The following KCNG2 variants were observed in gnomAD, a reference collection of about 807,000 sequenced individuals.
KCNG2 encodes potassium voltage-gated channel modifier subfamily G member 2.
Under a neutral mutation model 12.3 loss-of-function variants are expected in KCNG2, and 7 were observed. The observed-to-expected ratio is 0.57, with a 90% confidence interval of 0.32 to 1.07. KCNG2 has a LOEUF of 1.07. KCNG2 is among the 50% of genes least tolerant of loss of function. KCNG2 has a pLI of 0.04. For synonymous variants in KCNG2, 414 were observed against 351.4 expected, an observed-to-expected ratio of 1.18 and a Z score of -1.99; for missense variants, 703 against 726.0, an observed-to-expected ratio of 0.97 and a Z score of 0.36.
chr18:79,811,108 A>AT (rs1357152681), intron 1 of KCNG2, among the ~76,000 whole-genome samples: 1 of 152,242 alleles, frequency 6.6e-6, no homozygotes, highest in African/African-American at 2.4e-5. Flanking sequence ...AAGACATCCC[A>AT]TGTTCACGGA....
chr18:79,840,344 A>G (rs1004498894), intron 1 of KCNG2, among the ~76,000 whole-genome samples: 1 of 152,226 alleles, frequency 6.6e-6, no homozygotes, highest in African/African-American at 2.4e-5. Flanking sequence ...AAAATTAAAC[A>G]TAGAATATAA....
Position 79,884,040 on chromosome 18 carries a change from C to T in KCNG2, c.625-15000C>T, listed in dbSNP as rs1187566391. Reference sequence around the variant, plus strand: ...CCACGTCCTGACGTTTCTATCCCAACCCCCGCCCTGCCATCTTTTCTTCTC... The same window carrying T: ...CCACGTCCTGACGTTTCTATCCCAATCCCCGCCCTGCCATCTTTTCTTCTC... On this transcript the variant is annotated intron_variant, in intron 3 of 3. Transcript: ENST00000316249. The surrounding 1 kb of genome is among the most constrained non-coding windows in gnomAD (Gnocchi z 5.5). Among the ~76,000 whole-genome samples, 1 of 147,932 alleles carries T rather than the reference C, an allele frequency of 6.8e-6. No individual in the cohort carries two copies. The highest frequency in any genetic ancestry group is 7.0e-5 in the Admixed American group (1 of 14,238).
At chr18:79,828,571 CTG>C (rs890281948) in intron 1 of KCNG2, among the ~76,000 whole-genome samples, 8 of 150,626 alleles carry the variant, frequency 5.3e-5, no homozygotes, top group South Asian at 2.1e-4. Context: ...GTGTGCATGT[CTG>C]TGTGCATGTG....
chr18:79,880,831 A>C (rs1482509067), intron 3 of KCNG2, among the ~76,000 whole-genome samples: 1 of 152,218 alleles, frequency 6.6e-6, no homozygotes, highest in Non-Finnish European at 1.5e-5. Context: ...ATATTAATGC[A>C]CCAAAGAAAA....
At chr18:79,832,152 C>G (rs1275565856) in intron 1 of KCNG2, among the ~76,000 whole-genome samples, 1 of 152,140 alleles carries the variant, frequency 6.6e-6, no homozygotes, top group Admixed American at 6.5e-5. Context: ...CCGTCCTCAC[C>G]CATGAGACCT....
chr18:79,879,562 A>G (rs1980212743), intron 3 of KCNG2, among the ~76,000 whole-genome samples: 1 of 152,232 alleles, frequency 6.6e-6, no homozygotes, highest in Non-Finnish European at 1.5e-5. Context: ...TCAAAAAAGA[A>G]GTAGTACACA....
intron 3 of KCNG2, among the ~76,000 whole-genome samples, chr18:79,873,044 G>C (rs1392028008): frequency 6.6e-6 from 1 of 152,172 alleles, no homozygotes; most frequent in Non-Finnish European, 1.5e-5. Context: ...AAAAGGACCT[G>C]CTAGGAAGAA....
rs753788445 is a variant in KCNG2 at position 79,899,689 on chromosome 18, C to T, written c.1274C>T (p.Pro425Leu). The T allele has an allele frequency of 2.1e-5, 33 of 1,607,692 alleles. No individual in the cohort carries two copies. Among genetic ancestry groups the T allele is most frequent in the Non-Finnish European group, 2.7e-5 (32 of 1,178,150 alleles). The change falls in exon 4 of 4, where the codon CCC becomes CTC. Residue 425 changes from proline (P) to leucine (L), a missense_variant. Physicochemically the swap from Pro to Leu is moderately conservative, Grantham distance 98 (BLOSUM62 -3). Transcript: ENST00000316249. The stretch of plus-strand genomic sequence containing the variant: ...GAGCAGCAGCAGCGCGCGGCCAGCC[C>T]CGAGCCGGCCCTGCAGGAGGACAGC... ...LKEQQQRAAS[P>L]EPALQEDSTH...
intron 3 of KCNG2, among the ~76,000 whole-genome samples, chr18:79,891,761 T>G (rs1200702833): frequency 6.6e-6 from 1 of 152,184 alleles, no homozygotes; most frequent in African/African-American, 2.4e-5. Flanking sequence ...CTTTTAAATG[T>G]ATTGAGGTTG....
At chr18:79,867,419 T>C (rs1979636848) in intron 3 of KCNG2, among the ~76,000 whole-genome samples, 1 of 138,720 alleles carries the variant, frequency 7.2e-6, no homozygotes, top group Admixed American at 7.6e-5. Flanking sequence ...GTGTCATGTC[T>C]GGGGAAGGAG....
intron 3 of KCNG2, among the ~76,000 whole-genome samples, chr18:79,892,115 A>AG (rs1302048949): frequency 1.4e-5 from 2 of 142,680 alleles, no homozygotes; most frequent in Admixed American, 1.4e-4. Flanking sequence ...ACTCCGTCTA[A>AG]AAAAAAAAAA....
At chr18:79,857,064 G>GC (rs147399550) in intron 2 of KCNG2, among the ~76,000 whole-genome samples, 3 of 55,262 alleles carry the variant, frequency 5.4e-5, no homozygotes, top group Admixed American at 1.8e-4. Context: ...CCCCACAGCC[G>GC]CCCCCACAGC....
intron 1 of KCNG2, among the ~76,000 whole-genome samples, chr18:79,799,817 G>C (rs577006296): frequency 2.6e-5 from 4 of 152,302 alleles, no homozygotes; most frequent in African/African-American, 9.6e-5. Flanking sequence ...GTGGGGGGCG[G>C]GTGGCCGAGC....
Position 79,822,669 on chromosome 18 carries a change from G to A in KCNG2, c.-115+24655G>A, listed in dbSNP as rs2087580571. 6.6e-6 allele frequency among the ~76,000 whole-genome samples: 1 copy of A among 152,136 alleles called. No homozygotes were observed. Among genetic ancestry groups the A allele is most frequent in the South Asian group, 2.1e-4 (1 of 4,816 alleles). On this transcript the variant is annotated intron_variant, in intron 1 of 3. Coordinates refer to ENST00000316249, the MANE Select transcript of KCNG2 (RefSeq NM_012283.2). The surrounding 1 kb of genome is among the most constrained non-coding windows in gnomAD (Gnocchi z 4.4). Reference sequence around the variant, plus strand: ...AGGTCTTGAACTCCTGACCTCAAGGGATCCACCCACCCCGGCCTCCAAAGT... The same window carrying A: ...AGGTCTTGAACTCCTGACCTCAAGGAATCCACCCACCCCGGCCTCCAAAGT...
intron 1 of KCNG2, among the ~76,000 whole-genome samples, chr18:79,855,168 G>C (rs1237127460): frequency 1.3e-5 from 2 of 152,086 alleles, no homozygotes; most frequent in South Asian, 2.1e-4. Context: ...GCTCACGGTG[G>C]ACTGTTGCTG....
chr18:79,837,156 G>A (rs901609603), intron 1 of KCNG2, among the ~76,000 whole-genome samples: 5 of 152,168 alleles, frequency 3.3e-5, no homozygotes, highest in African/African-American at 1.2e-4. Context: ...AAAAAAGGGG[G>A]CCACAGGTCC....
chr18:79,801,800 C>T (rs564020532), intron 1 of KCNG2, among the ~76,000 whole-genome samples: 1 of 152,366 alleles, frequency 6.6e-6, no homozygotes, highest in Admixed American at 6.5e-5. Flanking sequence ...GGCTGAGCTC[C>T]TGGGTGCGGC....
At chr18:79,836,019 A>C (rs576715) in intron 1 of KCNG2, among the ~76,000 whole-genome samples, 1 of 152,160 alleles carries the variant, frequency 6.6e-6, no homozygotes, top group Admixed American at 6.5e-5. Context: ...AAGTCCTAAC[A>C]TACAAATAAT....
At chr18:79,816,745 C>G (rs115223032) in intron 1 of KCNG2, among the ~76,000 whole-genome samples, 1 of 152,208 alleles carries the variant, frequency 6.6e-6, no homozygotes, top group African/African-American at 2.4e-5. Flanking sequence ...GGGAAACATT[C>G]GCTGTTTCCT....
Sources: allele counts gnomAD v4.1 joint callset (sites outside exome capture counted in the v4.1 genomes callset), GRCh38; gene constraint gnomAD v4.1.1; non-coding constraint Gnocchi (gnomAD v3.1); transcripts MANE v1.5; gene names NCBI Gene and HGNC (gene_info 2026-07-23, HGNC 2026-07-21).